ANKRD30B: variants seen among roughly 807,000 people sequenced by gnomAD.
The protein encoded by ANKRD30B is ankyrin repeat domain 30B.
In ANKRD30B, 144 loss-of-function variants were observed where a neutral mutation model predicts 202.2. That is an observed-to-expected ratio of 0.71 (90% CI 0.62 to 0.82). The LOEUF is 0.82. Among genes scored for constraint, ANKRD30B ranks in the 40% least tolerant of loss-of-function variants. The pLI is 0.00. For missense variants in ANKRD30B, 1,487 were observed against 1,669.1 expected (o/e 0.89, Z 1.90); for synonymous variants, 508 against 561.3 (o/e 0.91, Z 1.34).
the ANKRD30B span, among the ~76,000 whole-genome samples, chr18:14,889,614 TC>T: frequency 6.3e-4 from 95 of 151,042 alleles, no homozygotes; most frequent in Middle Eastern, 0.014. Context: ...CAAGATTTTT[TC>T]CCAAGAATTT....
At chr18:14,761,686 A>C (rs1438615151) in intron 6 of ANKRD30B, among the ~76,000 whole-genome samples, 1 of 152,208 alleles carries the variant, frequency 6.6e-6, no homozygotes, top group Non-Finnish European at 1.5e-5. Context: ...ATGAACTCAC[A>C]CAATAAGCTA....
chr18:14,748,243 G>A lies in ANKRD30B; in HGVS notation c.-177G>A. ...TCCCGACAGAGGCCGGAGTGTTCAA[G>A]AGCTTGGCGATACAGAAATTTCTGC... is the stretch of plus-strand genomic sequence containing the variant. On this transcript the variant is annotated 5_prime_UTR_variant, in exon 1 of 44. Coordinates refer to ENST00000690538, the MANE Select transcript of ANKRD30B (RefSeq NM_001367607.2). 1 of 558,016 alleles carries A rather than the reference G, an allele frequency of 1.8e-6. No homozygotes were observed. The highest frequency in any genetic ancestry group is 2.5e-5 in the South Asian group (1 of 39,790). The allele number at this position is 558,016 out of a possible 1,614,324, so 34.6% of individuals were successfully genotyped here.
At chr18:14,886,089 G>C in the ANKRD30B span, among the ~76,000 whole-genome samples, 1 of 151,756 alleles carries the variant, frequency 6.6e-6, no homozygotes, top group African/African-American at 2.4e-5. Context: ...TAGTCATTCT[G>C]TATGAAGTGC....
chr18:14,797,505 G>A (rs1968993965), intron 18 of ANKRD30B, among the ~76,000 whole-genome samples, 156 bp from the exon 19 acceptor site: 1 of 152,106 alleles, frequency 6.6e-6, no homozygotes, highest in South Asian at 2.1e-4. Flanking sequence ...CAGTTGGCAT[G>A]TTAACAAATA....
At chr18:14,820,461 C>T (rs976633610) in intron 30 of ANKRD30B, among the ~76,000 whole-genome samples, 1 of 152,072 alleles carries the variant, frequency 6.6e-6, no homozygotes, top group African/African-American at 2.4e-5. Context: ...GGGAATGCTT[C>T]CAGTTTTTGC....
In ANKRD30B at chr18:14,817,470, AG is replaced by A. The variant is rs1970175944; in HGVS notation, c.2641+2760del. 4.6e-5 allele frequency among the ~76,000 whole-genome samples: 7 copies of A among 152,192 alleles called. No individual in the cohort carries two copies. In the South Asian group the frequency reaches 1.4e-3, roughly 31 times the overall value. On this transcript the variant is annotated intron_variant, in intron 30 of 43. Transcript: ENST00000690538. ...TAATCAGATCACAATTTAGAACCAG[AG>A]TTTTCAACCATACATAGGATTCCTA...
the ANKRD30B span, among the ~76,000 whole-genome samples, chr18:14,907,295 A>C: frequency 6.6e-6 from 1 of 151,802 alleles, no homozygotes; most frequent in African/African-American, 2.4e-5. Flanking sequence ...TTTGGTTTAT[A>C]TTCCAAACTC....
the ANKRD30B span, among the ~76,000 whole-genome samples, chr18:14,882,114 G>C: frequency 6.6e-6 from 1 of 152,074 alleles, no homozygotes; most frequent in Non-Finnish European, 1.5e-5. Context: ...ATTTCATTTA[G>C]TTCTGCTCTG....
At chr18:14,799,166 A>G (rs772077023) in intron 21 of ANKRD30B, 37 bp downstream of exon 21, 1 of 1,590,486 alleles carries the variant, frequency 6.3e-7, no homozygotes, top group Non-Finnish European at 8.6e-7. Context: ...AATATTACCT[A>G]CATATTTTAT....
chr18:14,753,892 G>A (rs9709988), intron 3 of ANKRD30B, among the ~76,000 whole-genome samples: 138,083 of 152,120 alleles, frequency 0.91, 64,173 homozygotes, highest in East Asian at 1. Context: ...ACTTTCATTA[G>A]TAAGCCATTT....
rs938928255 is a variant in ANKRD30B, at chr18:14,808,751, T to A, written c.2386+7T>A. ...AGAGAAACACTCAAAGCAGGTAAAT[T>A]TTGTAATTTAAATTTTAATCTGGAA... On this transcript the variant is annotated splice_region_variant and intron_variant, in intron 26 of 43. Transcript: ENST00000690538. 2.1e-6 allele frequency: 3 copies of A among 1,447,474 alleles called. No individual in the cohort carries two copies. The highest frequency in any genetic ancestry group is 2.9e-5 in the African/African-American group (2 of 68,886). 89.7% of individuals were successfully genotyped at this position (1,447,474 alleles called of 1,614,324 possible).
At chr18:14,837,185 TGC>T in intron 34 of ANKRD30B, 24 bp from the exon 35 acceptor site, 1 of 1,481,192 alleles carries the variant, frequency 6.8e-7, no homozygotes, top group Admixed American at 2.4e-5. Context: ...TTTTTGTGTT[TGC>T]TTTCTGTGTT....
intron 14 of ANKRD30B, among the ~76,000 whole-genome samples, chr18:14,785,510 T>C (rs1319100497): frequency 6.6e-6 from 1 of 152,240 alleles, no homozygotes; most frequent in Non-Finnish European, 1.5e-5. Flanking sequence ...GTTAGTTTTA[T>C]GTGCTAATTT....
intron 7 of ANKRD30B, among the ~76,000 whole-genome samples, chr18:14,765,315 T>C (rs1287869646): frequency 1.3e-5 from 2 of 151,620 alleles, no homozygotes; most frequent in Admixed American, 6.6e-5. Flanking sequence ...ATATGCAAAA[T>C]AGCCAGGCTT....
chr18:14,880,416 A>G, the ANKRD30B span, among the ~76,000 whole-genome samples: 33 of 152,250 alleles, frequency 2.2e-4, 1 homozygote, highest in South Asian at 6.6e-3. Flanking sequence ...TTCTGTGAAG[A>G]ATGACGGTGG....
intron 7 of ANKRD30B, among the ~76,000 whole-genome samples, chr18:14,767,010 G>A (rs1294795820): frequency 6.6e-6 from 1 of 152,084 alleles, no homozygotes; most frequent in Non-Finnish European, 1.5e-5. Context: ...TTCTGGTGTC[G>A]AAGAAAAAAT....
chr18:14,808,397 T>G, intron 24 of ANKRD30B, 154 bp from the exon 25 acceptor site: 1 of 794,084 alleles, frequency 1.3e-6, no homozygotes, highest in South Asian at 1.4e-5. Flanking sequence ...ATTGGCATGT[T>G]AACAAATACA....
At chr18:14,867,394 G>T in the ANKRD30B span, among the ~76,000 whole-genome samples, 4 of 151,696 alleles carry the variant, frequency 2.6e-5, no homozygotes, top group African/African-American at 9.7e-5. Context: ...CATGACAGTG[G>T]TGGCCTCTGA....
chr18:14,829,300 A>G (rs149416016), intron 33 of ANKRD30B, among the ~76,000 whole-genome samples: 164 of 152,324 alleles, frequency 1.1e-3, no homozygotes, highest in African/African-American at 3.8e-3. Flanking sequence ...CTGAAACTCA[A>G]AATGACTTAT....
Sources: allele counts gnomAD v4.1 joint callset (sites outside exome capture counted in the v4.1 genomes callset), GRCh38; gene constraint gnomAD v4.1.1; transcripts MANE v1.5; gene names NCBI Gene and HGNC (gene_info 2026-07-23, HGNC 2026-07-21).